TRPC5: variants seen among roughly 807,000 people sequenced by gnomAD.
TRPC5 encodes transient receptor potential cation channel subfamily C member 5.
A neutral mutation model predicts 56.5 loss-of-function variants in TRPC5; 9 were observed. That is an observed-to-expected ratio of 0.16 (90% CI 0.10 to 0.28). TRPC5 has a LOEUF of 0.28. Ranked by LOEUF, TRPC5 falls within the 10% of genes least tolerant of loss-of-function variation. The pLI is 1.00. For missense variants in TRPC5, 469 were observed against 748.9 expected, an observed-to-expected ratio of 0.63 and a Z score of 4.36; for synonymous variants, 282 against 278.5, an observed-to-expected ratio of 1.01 and a Z score of -0.13.
chrX:111,967,241 A>C (rs757771005), intron 1 of TRPC5, among the ~76,000 whole-genome samples: 1 of 111,697 alleles, frequency 9.0e-6, no homozygotes, highest in Admixed American at 9.5e-5. Context: ...TGCTACAAAG[A>C]GAATAAAATA....
At chrX:112,041,314 T>C (rs1929886243) in intron 1 of TRPC5, among the ~76,000 whole-genome samples, 1 of 112,095 alleles carries the variant, frequency 8.9e-6, no homozygotes, top group African/African-American at 3.2e-5. Context: ...ATTAGAATTA[T>C]AGTTACCCGC....
At chrX:111,973,799 T>G (rs1353923658) in intron 1 of TRPC5, among the ~76,000 whole-genome samples, 1 of 112,429 alleles carries the variant, frequency 8.9e-6, no homozygotes, top group East Asian at 2.8e-4. Flanking sequence ...CCTATTTATT[T>G]TACTTCATTT....
chrX:111,994,478 A>G (rs761420942), intron 1 of TRPC5, among the ~76,000 whole-genome samples: 1 of 111,654 alleles, frequency 9.0e-6, no homozygotes, highest in Non-Finnish European at 1.9e-5. Context: ...CATTGAATCT[A>G]TAAATTACTT....
chrX:111,852,095 A>G (rs1923101113), intron 5 of TRPC5, among the ~76,000 whole-genome samples: 1 of 112,368 alleles, frequency 8.9e-6, no homozygotes, highest in Non-Finnish European at 1.9e-5. Flanking sequence ...ATTCATTTGC[A>G]AATTGTTCCA....
chrX:111,815,380 A>G (rs973248315), intron 7 of TRPC5, among the ~76,000 whole-genome samples: 1 of 111,011 alleles, frequency 9.0e-6, no homozygotes, highest in Non-Finnish European at 1.9e-5. Flanking sequence ...ATTTTGATGC[A>G]GGTGGTCGCT....
At position 111,771,871 on chromosome X, in the gene TRPC5, A is replaced by C. The variant is rs1465618032; in HGVS notation, c.*4442T>G. Among the ~76,000 whole-genome samples, 2 of 110,444 alleles carry C rather than the reference A, an allele frequency of 1.8e-5. No homozygotes were observed. Among genetic ancestry groups the C allele is most frequent in the Non-Finnish European group, 1.9e-5 (1 of 52,901 alleles). ...GCTGTCATGGCAGTTCATTTTGGCA[A>C]TTCCTCACAGCTCAGGAAATGTCTC... On this transcript the variant is annotated 3_prime_UTR_variant, in exon 11 of 11. Coordinates refer to ENST00000262839, the MANE Select transcript of TRPC5 (RefSeq NM_012471.3).
In TRPC5 at chrX:111,993,293, G is replaced by C. The variant is rs1198859969; in HGVS notation, c.-21-40852C>G. Among the ~76,000 whole-genome samples the C allele has an allele frequency of 2.7e-5, 3 of 111,649 alleles. 1 individual carries two copies. Among genetic ancestry groups the C allele is most frequent in the African/African-American group, 9.8e-5 (3 of 30,674 alleles). On this transcript the variant is annotated intron_variant, in intron 1 of 10. Transcript: ENST00000262839. Reference sequence around the variant, plus strand: ...ATATGTGCCACATTTTCTTAATCCAGTCTATCACTGATGGACATTTGGGTT... The same window carrying C: ...ATATGTGCCACATTTTCTTAATCCACTCTATCACTGATGGACATTTGGGTT...
chrX:111,912,868 G>A, intron 2 of TRPC5, 56 bp from the exon 3 acceptor site: 1 of 1,097,525 alleles, frequency 9.1e-7, no homozygotes, highest in Non-Finnish European at 1.2e-6. Flanking sequence ...GGAGAGAGAA[G>A]CATAGGGCCT....
chrX:111,795,986 G>A lies in TRPC5; in HGVS notation c.1897-13848C>T, dbSNP rs372459283. Among the ~76,000 whole-genome samples, 52 of 108,377 alleles carry A rather than the reference G, an allele frequency of 4.8e-4. No homozygotes were observed. In the South Asian group the frequency reaches 0.021, roughly 44 times the overall value. The allele number at this position is 108,377 out of a possible 115,157, so 94.1% of individuals were successfully genotyped here. On this transcript the variant is annotated intron_variant, in intron 7 of 10. Transcript: ENST00000262839. ...ATCTGATGTCCCACAAGTCTTTGAG[G>A]TTCTGTTCAATTTTCTTCACCCTTT...
chrX:111,932,455 C>T (rs1304857938), intron 2 of TRPC5, among the ~76,000 whole-genome samples: 1 of 104,633 alleles, frequency 9.6e-6, no homozygotes, highest in Non-Finnish European at 2.0e-5. Context: ...GAAAGAGTGT[C>T]ATCTAAGGAA....
At chrX:111,810,179 T>C (rs1603038617) in intron 7 of TRPC5, among the ~76,000 whole-genome samples, 1 of 111,122 alleles carries the variant, frequency 9.0e-6, no homozygotes, top group Admixed American at 9.6e-5. Flanking sequence ...TCCCAAAGTG[T>C]GGGGATTACA....
chrX:111,977,074 G>A (rs984077806), intron 1 of TRPC5, among the ~76,000 whole-genome samples: 2 of 110,709 alleles, frequency 1.8e-5, no homozygotes, highest in Non-Finnish European at 3.8e-5. Context: ...ACTACCCAAA[G>A]TGATCTACAG....
intron 2 of TRPC5, among the ~76,000 whole-genome samples, chrX:111,941,974 C>G (rs1166086555): frequency 9.0e-6 from 1 of 111,625 alleles, no homozygotes; most frequent in African/African-American, 3.3e-5. Context: ...ATATTTTCCC[C>G]ATGATGAGAA....
rs190141704 is a variant in TRPC5 at position 112,061,790 on chromosome X, A to C, written c.-22+20089T>G. On this transcript the variant is annotated intron_variant, in intron 1 of 10. Transcript: ENST00000262839. ...GAAGGAGGGAAAGGGAATAAAAGAA[A>C]AAGTCCAGAAGCAGGTTCTTCTGGT... 5.2e-4 allele frequency among the ~76,000 whole-genome samples: 58 copies of C among 111,517 alleles called. 2 individuals are homozygous for C. Among genetic ancestry groups the C allele is most frequent in the Admixed American group, 5.1e-3 (54 of 10,522 alleles).
At chrX:111,993,114 A>C (rs1928411717) in intron 1 of TRPC5, among the ~76,000 whole-genome samples, 1 of 93,171 alleles carries the variant, frequency 1.1e-5, no homozygotes. Flanking sequence ...AAGTGATCTC[A>C]TTGTTCAGTT....
rs3027702 is a variant in TRPC5, at chrX:111,853,478, T to C, written c.1237+292A>G. ...CTCTGCTTACCTTACTTGAGGCCTG[T>C]CCTGACTGATACTTGGCTTTGTCTC... On this transcript the variant is annotated intron_variant, in intron 4 of 10. Coordinates refer to ENST00000262839, the MANE Select transcript of TRPC5 (RefSeq NM_012471.3). Among the ~76,000 whole-genome samples, 288 of 112,041 alleles carry C rather than the reference T, an allele frequency of 2.6e-3. 1 individual carries two copies. The East Asian group carries it at 0.048, about 19-fold the overall frequency.
Position 111,775,200 on chromosome X carries a change from A to T in TRPC5, c.*1113T>A, listed in dbSNP as rs1945868166. 1 of 111,761 alleles carries T rather than the reference A, an allele frequency of 8.9e-6. No homozygotes were observed. The highest frequency in any genetic ancestry group is 1.9e-5 in the Non-Finnish European group (1 of 53,182). 9.2% of individuals were successfully genotyped at this position (111,761 alleles called of 1,213,427 possible). Reference sequence around the variant, plus strand: ...ATATCTAACATAATTTACACATGCAATTCCACTGCCCCCAATGAATATTAA... The same window carrying T: ...ATATCTAACATAATTTACACATGCATTTCCACTGCCCCCAATGAATATTAA... On this transcript the variant is annotated 3_prime_UTR_variant, in exon 11 of 11. Coordinates refer to ENST00000262839, the MANE Select transcript of TRPC5 (RefSeq NM_012471.3).
intron 7 of TRPC5, among the ~76,000 whole-genome samples, chrX:111,785,210 A>G (rs1354333444): frequency 9.0e-6 from 1 of 111,704 alleles, no homozygotes; most frequent in Admixed American, 9.5e-5. Flanking sequence ...AGGCAGTAAT[A>G]TTTGCTGTTC....
rs1195262060 is a variant in TRPC5, at chrX:111,966,812, T to C, written c.-21-14371A>G. Among the ~76,000 whole-genome samples the C allele has an allele frequency of 7.2e-4, 81 of 112,229 alleles. 1 individual carries two copies. The highest frequency in any genetic ancestry group is 1.4e-3 in the Non-Finnish European group (74 of 53,271). On this transcript the variant is annotated intron_variant, in intron 1 of 10. Coordinates refer to ENST00000262839, the MANE Select transcript of TRPC5 (RefSeq NM_012471.3). ...TGCTAAAAACTCTCAATAAATTAGG[T>C]ATTGATGGGACGTATCTCAAAATAA...
Sources: gnomAD v4.1 joint callset for allele counts (sites outside exome capture counted in the v4.1 genomes callset) on GRCh38, gnomAD v4.1.1 for gene constraint, MANE v1.5 for transcripts, NCBI Gene and HGNC (gene_info 2026-07-23, HGNC 2026-07-21) for gene names.